Variants in SBF2 observed in about 807,000 individuals in gnomAD.
The protein encoded by SBF2 is myotubularin-related protein 13.
Under a neutral mutation model 225.2 loss-of-function variants are expected in SBF2, and 112 were observed. That is an observed-to-expected ratio of 0.50 (90% confidence interval 0.43 to 0.58). SBF2 has a LOEUF of 0.58. Ranked by LOEUF, SBF2 falls within the 20% of genes least tolerant of loss-of-function variation. The pLI is 0.00. For missense variants in SBF2, 1,996 were observed against 2,206.2 expected (o/e 0.90, Z 1.91); for synonymous variants, 763 against 773.3 (o/e 0.99, Z 0.22).
Position 9,789,090 on chromosome 11 carries a change from G to C in SBF2, c.4932+19C>G, listed in dbSNP as rs1852570803. On this transcript the variant is annotated intron_variant, in intron 35 of 39. Coordinates refer to ENST00000256190, the MANE Select transcript of SBF2 (RefSeq NM_030962.4). ...CAGGGCCCCTGGTGCCCCTAGGTGT[G>C]TGTCTACAGTTGACTTACACTGAAA... 1.9e-6 allele frequency: 3 copies of C among 1,607,554 alleles called. No individual in the cohort carries two copies. The highest frequency in any genetic ancestry group is 2.6e-6 in the Non-Finnish European group (3 of 1,174,006).
At chr11:9,960,488 G>T (rs1309578070) in intron 16 of SBF2, 1 of 152,090 alleles carries the variant, frequency 6.6e-6, no homozygotes, top group Non-Finnish European at 1.5e-5. Flanking sequence ...TCAATGGTAT[G>T]TTATGTGTAC....
intron 10 of SBF2, 42 bp downstream of exon 10, chr11:9,993,879 G>A (rs1213398759): frequency 6.7e-7 from 1 of 1,488,782 alleles, no homozygotes; most frequent in African/African-American, 1.4e-5. Flanking sequence ...TAAAAATACA[G>A]CTCTCTTTAA....
chr11:10,104,530 A>G (rs1565233561), intron 2 of SBF2, among the ~76,000 whole-genome samples: 3 of 136,414 alleles, frequency 2.2e-5, no homozygotes, highest in South Asian at 2.3e-4. Flanking sequence ...GAATATGTAC[A>G]TGGCTGCCTA....
intron 16 of SBF2, among the ~76,000 whole-genome samples, chr11:9,945,476 C>A (rs746310899): frequency 6.6e-6 from 1 of 152,052 alleles, no homozygotes; most frequent in Non-Finnish European, 1.5e-5. Flanking sequence ...AAATGTAAGA[C>A]CTAAAACTAT....
chr11:10,133,646 G>C (rs565135892), intron 2 of SBF2, among the ~76,000 whole-genome samples: 1 of 149,476 alleles, frequency 6.7e-6, no homozygotes, highest in Non-Finnish European at 1.5e-5. Context: ...CAGCTGGCCC[G>C]CAAGTGCCGC....
chr11:9,783,324 G>A (rs1186406820), intron 38 of SBF2, among the ~76,000 whole-genome samples: 1 of 152,192 alleles, frequency 6.6e-6, no homozygotes, highest in African/African-American at 2.4e-5. Flanking sequence ...AACTCCTTGA[G>A]CAGAGGAAAA....
intron 1 of SBF2, among the ~76,000 whole-genome samples, chr11:10,208,876 T>C (rs1425426811): frequency 6.6e-6 from 1 of 152,144 alleles, no homozygotes; most frequent in Non-Finnish European, 1.5e-5. Context: ...TGTACCACTT[T>C]CACTATGTTT....
At chr11:9,828,128 C>T in intron 28 of SBF2, 1 of 1,288,430 alleles carries the variant, frequency 7.8e-7, no homozygotes, top group Non-Finnish European at 1.0e-6. Context: ...TTACTAACCT[C>T]CTTGAGCAAA....
chr11:9,876,771 G>A (rs749421989), intron 17 of SBF2, among the ~76,000 whole-genome samples: 1 of 152,116 alleles, frequency 6.6e-6, no homozygotes, highest in Non-Finnish European at 1.5e-5. Context: ...ATGGAGTCTT[G>A]CTCTGTTACC....
At chr11:9,983,637 G>T (rs978291126) in intron 13 of SBF2, among the ~76,000 whole-genome samples, 1 of 152,164 alleles carries the variant, frequency 6.6e-6, no homozygotes, top group Non-Finnish European at 1.5e-5. Context: ...CAAAAACAGA[G>T]CATTAAACCA....
intron 33 of SBF2, among the ~76,000 whole-genome samples, chr11:9,795,361 G>A (rs1853058615): frequency 6.6e-6 from 1 of 152,160 alleles, no homozygotes; most frequent in South Asian, 2.1e-4. Context: ...TACTGTCCTT[G>A]TTTTAAAGAT....
At chr11:10,114,330 AT>A (rs1351240698) in intron 2 of SBF2, among the ~76,000 whole-genome samples, 1 of 152,104 alleles carries the variant, frequency 6.6e-6, no homozygotes, top group Non-Finnish European at 1.5e-5. Context: ...TTTTTCTTTA[AT>A]TTTGGAAAAT....
chr11:10,273,090 T>C (rs1458185519), intron 1 of SBF2, among the ~76,000 whole-genome samples: 1 of 151,538 alleles, frequency 6.6e-6, no homozygotes, highest in South Asian at 2.1e-4. Context: ...AATAAATAAA[T>C]AAATAAATAA....
At chr11:10,228,746 A>G (rs1454325502) in intron 1 of SBF2, among the ~76,000 whole-genome samples, 4 of 152,164 alleles carry the variant, frequency 2.6e-5, no homozygotes, top group Non-Finnish European at 5.9e-5. Context: ...GGATTTTTGC[A>G]TCAATGTTCA....
intron 6 of SBF2, 78 bp from the exon 7 acceptor site, chr11:10,002,767 G>A: frequency 1.5e-6 from 2 of 1,371,450 alleles, no homozygotes; most frequent in Non-Finnish European, 2.1e-6. Context: ...AGTATACACG[G>A]AAAGAAAAAG....
chr11:9,976,803 C>G (rs1946709497), intron 13 of SBF2, among the ~76,000 whole-genome samples: 1 of 151,010 alleles, frequency 6.6e-6, no homozygotes, highest in Non-Finnish European at 1.5e-5. Flanking sequence ...GAGTCTCGCT[C>G]TGTTGCCCAG....
At chr11:10,302,934 C>G (rs1344029776) in intron 1 of SBF2, 7 of 152,228 alleles carry the variant, frequency 4.6e-5, no homozygotes, top group Admixed American at 4.6e-4. Context: ...CAGTCGGAGG[C>G]GCGCGCGGGA....
rs144609918 is a variant in SBF2 at position 9,944,942 on chromosome 11, C to A, written c.1860+17015G>T. ...GCAACAAAGTGAGACCCTGTCTCTACAAAAAATAAAAAATTAGCCAAGTGT... is the reference window on the plus strand; with the variant it reads ...GCAACAAAGTGAGACCCTGTCTCTAAAAAAAATAAAAAATTAGCCAAGTGT... On this transcript the variant is annotated intron_variant, in intron 16 of 39. Coordinates refer to ENST00000256190, the MANE Select transcript of SBF2 (RefSeq NM_030962.4). Among the ~76,000 whole-genome samples, 578 of 151,966 alleles carry A rather than the reference C, an allele frequency of 3.8e-3. 4 individuals carry two copies. Among genetic ancestry groups the A allele is most frequent in the South Asian group, 5.4e-3 (26 of 4,796 alleles).
intron 36 of SBF2, among the ~76,000 whole-genome samples, chr11:9,786,465 A>G (rs779396891): frequency 2.0e-5 from 3 of 152,210 alleles, no homozygotes; most frequent in Non-Finnish European, 4.4e-5. Flanking sequence ...TGTCTGTCTG[A>G]TAACAGCTCC....
Sources: allele counts gnomAD v4.1 joint callset (sites outside exome capture counted in the v4.1 genomes callset), GRCh38; gene constraint gnomAD v4.1.1; transcripts MANE v1.5; gene names NCBI Gene and HGNC (gene_info 2026-07-23, HGNC 2026-07-21).